The following MPHOSPH10 variants were observed in gnomAD, a reference collection of about 807,000 sequenced individuals.
MPHOSPH10 encodes the protein U3 small nucleolar ribonucleoprotein MPP10.
MPHOSPH10 carries 33 observed loss-of-function variants against 77.3 expected under a neutral mutation model. The observed-to-expected ratio is 0.43, with a 90% CI of 0.32 to 0.57. The LOEUF (loss-of-function observed/expected upper bound fraction) is 0.57, where lower values mean the gene tolerates loss of function less well. MPHOSPH10 is among the 20% of genes least tolerant of loss of function. MPHOSPH10 has a pLI of 0.07. For synonymous variants in MPHOSPH10, 245 were observed against 268.0 expected, an observed-to-expected ratio of 0.91 and a Z score of 0.84; for missense variants, 708 against 780.1, an observed-to-expected ratio of 0.91 and a Z score of 1.10.
In MPHOSPH10 at chr2:71,130,661, C is replaced by G; in HGVS notation, c.-5C>G. 6.2e-7 allele frequency: 1 copy of G among 1,606,394 alleles called. No individual in the cohort carries two copies. Among genetic ancestry groups the G allele is most frequent in the Non-Finnish European group, 8.5e-7 (1 of 1,176,750 alleles). On this transcript the variant is annotated 5_prime_UTR_variant, in exon 1 of 11. Transcript: ENST00000244230. The stretch of plus-strand genomic sequence containing the variant: ...GCTGCATTGTGTCGGGAGTTGCTGA[C>G]AGCCATGGCGCCGCAGGTCTGGCGT...
At chr2:71,137,686 A>C (rs1673524360) in intron 4 of MPHOSPH10, among the ~76,000 whole-genome samples, 1 of 150,064 alleles carries the variant, frequency 6.7e-6, no homozygotes, top group East Asian at 2.0e-4. Flanking sequence ...AAAGATTAGG[A>C]ATACTGCAGA....
At chr2:71,132,617 A>C (rs1673409864) in intron 1 of MPHOSPH10, among the ~76,000 whole-genome samples, 1 of 152,252 alleles carries the variant, frequency 6.6e-6, no homozygotes, top group Non-Finnish European at 1.5e-5. Context: ...ATAATGTAGC[A>C]GAATTGATAA....
At chr2:71,143,377 C>T (rs562645350) in intron 7 of MPHOSPH10, among the ~76,000 whole-genome samples, 208 of 152,068 alleles carry the variant, frequency 1.4e-3, no homozygotes, top group African/African-American at 4.8e-3. Context: ...GTGATCCTCC[C>T]GCCTCGGCCT....
rs143656591 is a variant in MPHOSPH10, at chr2:71,138,507, A to G, written c.1116A>G (p.Ala372=). The change falls in exon 5 of 11, where the codon GCA becomes GCG. Residue 372 remains alanine, a synonymous_variant. Coordinates refer to ENST00000244230, the MANE Select transcript of MPHOSPH10 (RefSeq NM_005791.3). ...TTTCTTAGATGAATGAAAAAATTGC[A>G]TCTTTAGAAAAAGAGTTGTTAGAAA... ...KRQEKMNEKI[A]SLEKELLEKK... is the part of the protein sequence containing the mutation. 2 of 1,583,766 alleles carry G rather than the reference A, an allele frequency of 1.3e-6. No individual in the cohort carries two copies. The highest frequency in any genetic ancestry group is 8.6e-7 in the Non-Finnish European group (1 of 1,166,836).
chr2:71,143,948 C>G (rs1252927782), intron 7 of MPHOSPH10, among the ~76,000 whole-genome samples: 1 of 152,124 alleles, frequency 6.6e-6, no homozygotes, highest in Non-Finnish European at 1.5e-5. Context: ...GGTTGTACAC[C>G]TAGGAGTGGC....
At position 71,138,540 on chromosome 2, in the gene MPHOSPH10, G is replaced by A. The variant is rs756617224; in HGVS notation, c.1149G>A (p.Pro383=). 1.1e-5 allele frequency: 18 copies of A among 1,604,062 alleles called. No homozygotes were observed. The highest frequency in any genetic ancestry group is 1.7e-4 in the Middle Eastern group (1 of 6,016). The change falls in exon 5 of 11, where the codon CCG becomes CCA. Residue 383 remains proline (P), a synonymous_variant. Coordinates refer to ENST00000244230, the MANE Select transcript of MPHOSPH10 (RefSeq NM_005791.3). ...SLEKELLEKK[P]WQLQGEVTAQ... is the part of the protein sequence containing the mutation. ...AAAAAGAGTTGTTAGAAAAAAAGCC[G>A]TGGCAGCTTCAGGGGGAAGTGACAG... is the stretch of plus-strand genomic sequence containing the variant.
At chr2:71,134,221 T>C (rs1330278300) in intron 3 of MPHOSPH10, 116 bp downstream of exon 3, 1 of 1,018,612 alleles carries the variant, frequency 9.8e-7, no homozygotes, top group East Asian at 2.8e-5. Context: ...ATATCAGATA[T>C]TCTCAAGATA....
At chr2:71,149,190 G>A (rs761220746) in intron 9 of MPHOSPH10, 33 bp from the exon 10 acceptor site, 3 of 1,513,632 alleles carry the variant, frequency 2.0e-6, no homozygotes. Context: ...TAAACTTGAT[G>A]AATGAATATG....
At chr2:71,147,286 GGTT>G (rs1673733619) in intron 8 of MPHOSPH10, among the ~76,000 whole-genome samples, 1 of 152,160 alleles carries the variant, frequency 6.6e-6, no homozygotes, top group South Asian at 2.1e-4. Context: ...CAGCATTAAT[GGTT>G]GTTTGAGAAT....
At chr2:71,143,199 T>G (rs1363936822) in intron 7 of MPHOSPH10, among the ~76,000 whole-genome samples, 2 of 151,356 alleles carry the variant, frequency 1.3e-5, no homozygotes, top group Non-Finnish European at 2.9e-5. Flanking sequence ...TGGAGTGCAG[T>G]GGCGTGATCT....
Position 71,149,308 on chromosome 2 carries a change from A to G in MPHOSPH10, c.1751A>G (p.Gln584Arg). 1.2e-6 allele frequency: 2 copies of G among 1,611,780 alleles called. No homozygotes were observed. Among genetic ancestry groups the G allele is most frequent in the Non-Finnish European group, 1.7e-6 (2 of 1,178,724 alleles). Residue 584 changes from glutamine (Q) to arginine (R), a missense_variant, in exon 10 of 11, where the codon CAA becomes CGA. Physicochemically the swap from Gln to Arg is conservative, Grantham distance 43. Around this residue, in one of 3 missense-constraint regions of MPHOSPH10, gnomAD observed 263 missense variants for 320.0 expected, o/e 0.82. Coordinates refer to ENST00000244230, the MANE Select transcript of MPHOSPH10 (RefSeq NM_005791.3). ...KKRERRKKKY[Q>R]KRMKIKEKEK... ...CGAGAGCGAAGGAAAAAGAAATATCAAAAGCGTATGAAAATAAAAGAGAAG... is the reference window on the plus strand; with the variant it reads ...CGAGAGCGAAGGAAAAAGAAATATCGAAAGCGTATGAAAATAAAAGAGAAG...
chr2:71,132,412 C>T (rs1461389828), intron 1 of MPHOSPH10, among the ~76,000 whole-genome samples: 2 of 152,176 alleles, frequency 1.3e-5, no homozygotes, highest in Admixed American at 6.5e-5. Flanking sequence ...TTTCCTCAAG[C>T]TCACCTCTAG....
At chr2:71,134,254 T>A in intron 3 of MPHOSPH10, 149 bp downstream of exon 3, 1 of 782,674 alleles carries the variant, frequency 1.3e-6, no homozygotes, top group Non-Finnish European at 1.9e-6. Flanking sequence ...TCTCTGACTG[T>A]AAAGGGACAT....
intron 5 of MPHOSPH10, chr2:71,138,947 T>C (rs556976044): frequency 5.3e-6 from 3 of 564,828 alleles, no homozygotes; most frequent in Middle Eastern, 9.5e-4. Context: ...GGCAGGAGAA[T>C]TGCTTGAACC....
At position 71,149,267 on chromosome 2, in the gene MPHOSPH10, A is replaced by G; in HGVS notation, c.1710A>G (p.Thr570=). ...AGDIKTAAEK[T]ATDKKRERRK... The stretch of plus-strand genomic sequence containing the variant: ...ATATAAAAACAGCTGCTGAAAAAAC[A>G]GCTACAGACAAGAAACGAGAGCGAA... The change falls in exon 10 of 11, where the codon ACA becomes ACG. Residue 570 remains threonine (T), a synonymous_variant. Transcript: ENST00000244230. The G allele has an allele frequency of 6.3e-7, 1 of 1,595,786 alleles. No homozygotes were observed. Among genetic ancestry groups the G allele is most frequent in the South Asian group, 1.1e-5 (1 of 87,974 alleles).
At chr2:71,146,284 C>G (rs1159544792) in intron 8 of MPHOSPH10, among the ~76,000 whole-genome samples, 1 of 151,352 alleles carries the variant, frequency 6.6e-6, no homozygotes. Flanking sequence ...TGGTATTTCA[C>G]ACCATCTCTG....
intron 7 of MPHOSPH10, among the ~76,000 whole-genome samples, chr2:71,142,335 G>A (rs1673628449): frequency 6.6e-6 from 1 of 152,204 alleles, no homozygotes; most frequent in Non-Finnish European, 1.5e-5. Context: ...AATCCAAGGT[G>A]GTAGCTGAAG....
At position 71,130,665 on chromosome 2, in the gene MPHOSPH10, C is replaced by T. The variant is rs370491855; in HGVS notation, c.-1C>T. The T allele has an allele frequency of 7.6e-5, 122 of 1,607,624 alleles. No individual in the cohort carries two copies. Among genetic ancestry groups the T allele is most frequent in the Non-Finnish European group, 1.0e-4 (118 of 1,177,556 alleles). On this transcript the variant is annotated 5_prime_UTR_variant, in exon 1 of 11. Coordinates refer to ENST00000244230, the MANE Select transcript of MPHOSPH10 (RefSeq NM_005791.3). ...CATTGTGTCGGGAGTTGCTGACAGC[C>T]ATGGCGCCGCAGGTCTGGCGTCGAC...
At chr2:71,141,477 C>A in intron 7 of MPHOSPH10, 108 bp downstream of exon 7, 2 of 916,134 alleles carry the variant, frequency 2.2e-6, no homozygotes, top group Non-Finnish European at 3.0e-6. Context: ...AGCTCTTTGG[C>A]TACCTCATGT....
Sources: gnomAD v4.1 joint callset for allele counts (sites outside exome capture counted in the v4.1 genomes callset) on GRCh38, gnomAD v4.1.1 for gene constraint, gnomAD v4.1.1 regional missense constraint, MANE v1.5 for transcripts, NCBI Gene and HGNC (gene_info 2026-07-23, HGNC 2026-07-21) for gene names.